Variants in GPR39 observed in about 807,000 individuals in gnomAD.
The protein encoded by GPR39 is G protein-coupled receptor 39.
In GPR39, 23 loss-of-function variants were observed where a neutral mutation model predicts 18.4. The observed-to-expected ratio is 1.25, with a 90% CI of 0.90 to 1.77. The LOEUF is 1.77. Among genes scored for constraint, GPR39 ranks in the 40% most tolerant of loss-of-function variants. GPR39 has a pLI of 0.00. For missense variants in GPR39, 647 were observed against 602.4 expected, an observed-to-expected ratio of 1.07 and a Z score of -0.78; for synonymous variants, 280 against 257.9, an observed-to-expected ratio of 1.09 and a Z score of -0.82.
chr2:132,440,728 C>T (rs1354590658), intron 1 of GPR39, among the ~76,000 whole-genome samples: 1 of 152,066 alleles, frequency 6.6e-6, no homozygotes, highest in Non-Finnish European at 1.5e-5. Flanking sequence ...TAGTTTGAAA[C>T]TTTTTCAGTC....
chr2:132,557,071 T>G (rs1558838547), intron 1 of GPR39, among the ~76,000 whole-genome samples: 2 of 112,466 alleles, frequency 1.8e-5, no homozygotes, highest in African/African-American at 3.8e-5. Flanking sequence ...ATCCTGGCAC[T>G]TTGGGAGGCC....
intron 1 of GPR39, among the ~76,000 whole-genome samples, chr2:132,579,336 T>C (rs1680586457): frequency 6.6e-6 from 1 of 152,170 alleles, no homozygotes; most frequent in South Asian, 2.1e-4. Flanking sequence ...ATAATTTAGA[T>C]TCTTTTAAAT....
chr2:132,466,430 A>G (rs1375483151), intron 1 of GPR39, among the ~76,000 whole-genome samples: 1 of 152,122 alleles, frequency 6.6e-6, no homozygotes. Flanking sequence ...CTAGGAATGA[A>G]ATGCATTTTT....
In GPR39 at chr2:132,506,598, C is replaced by T. The variant is rs907367464; in HGVS notation, c.856+88700C>T. ...AAATGTACAATCATGGCAGAAGGCA[C>T]CTCTTCACAGGGCAGCAGGAGAGAG... On this transcript the variant is annotated intron_variant, in intron 1 of 1. Transcript: ENST00000329321. 3.9e-5 allele frequency among the ~76,000 whole-genome samples: 6 copies of T among 152,204 alleles called. No individual in the cohort carries two copies. In the East Asian group the frequency reaches 7.7e-4, roughly 20 times the overall value.
At chr2:132,435,340 A>G (rs1680294131) in intron 1 of GPR39, among the ~76,000 whole-genome samples, 1 of 152,136 alleles carries the variant, frequency 6.6e-6, no homozygotes. Flanking sequence ...GATGATGAGG[A>G]TGAAGACCTT....
intron 1 of GPR39, among the ~76,000 whole-genome samples, chr2:132,584,287 C>A (rs550101173): frequency 6.6e-6 from 1 of 152,114 alleles, no homozygotes; most frequent in Non-Finnish European, 1.5e-5. Flanking sequence ...CTTAGAGGAG[C>A]AGCATCCCCG....
intron 1 of GPR39, among the ~76,000 whole-genome samples, chr2:132,574,308 T>C (rs149522308): frequency 6.6e-6 from 1 of 152,372 alleles, no homozygotes; most frequent in African/African-American, 2.4e-5. Context: ...AATTCACATA[T>C]CTTTGACTAC....
At chr2:132,533,783 A>G (rs951647197) in intron 1 of GPR39, among the ~76,000 whole-genome samples, 1 of 152,210 alleles carries the variant, frequency 6.6e-6, no homozygotes, top group Admixed American at 6.5e-5. Context: ...AAAACTGGCT[A>G]GCCATATGTA....
chr2:132,640,026 C>T (rs1384577519), intron 1 of GPR39, among the ~76,000 whole-genome samples: 2 of 152,168 alleles, frequency 1.3e-5, no homozygotes, highest in Non-Finnish European at 2.9e-5. Flanking sequence ...GGGCAAATCA[C>T]TTAACCTCAG....
chr2:132,517,881 G>T (rs1274344483), intron 1 of GPR39, among the ~76,000 whole-genome samples: 1 of 152,192 alleles, frequency 6.6e-6, no homozygotes, highest in African/African-American at 2.4e-5. Flanking sequence ...CCTATTATGG[G>T]TGAAGCTTAG....
In GPR39 at chr2:132,505,539, A is replaced by C. The variant is rs530675382; in HGVS notation, c.856+87641A>C. On this transcript the variant is annotated intron_variant, in intron 1 of 1. Coordinates refer to ENST00000329321, the MANE Select transcript of GPR39 (RefSeq NM_001508.3). ...TTGTACTCATTAACCAACCTCTTTT[A>C]TCCCCTTTACCCACCCCACACACCC... is the stretch of plus-strand genomic sequence containing the variant. Among the ~76,000 whole-genome samples, 3 of 152,228 alleles carry C rather than the reference A, an allele frequency of 2.0e-5. No individual in the cohort carries two copies. The East Asian group carries it at 5.8e-4, about 29-fold the overall frequency.
At chr2:132,429,218 A>G (rs1170583347) in intron 1 of GPR39, among the ~76,000 whole-genome samples, 1 of 152,182 alleles carries the variant, frequency 6.6e-6, no homozygotes, top group African/African-American at 2.4e-5. Context: ...GGGATCTGGC[A>G]TGTTTTGCAG....
At position 132,417,014 on chromosome 2, in the gene GPR39, T is replaced by C. The variant is rs1195434323; in HGVS notation, c.-29T>C. 5.0e-6 allele frequency: 8 copies of C among 1,604,448 alleles called. No individual in the cohort carries two copies. The highest frequency in any genetic ancestry group is 3.4e-5 in the Admixed American group (2 of 59,618). ...GGAGAAAGGGAAGTTGAGAAAGTCTTTGGACCTGGTAGCCTGGTGCTCTTT... is the reference window on the plus strand; with the variant it reads ...GGAGAAAGGGAAGTTGAGAAAGTCTCTGGACCTGGTAGCCTGGTGCTCTTT... On this transcript the variant is annotated 5_prime_UTR_variant, in exon 1 of 2. Coordinates refer to ENST00000329321, the MANE Select transcript of GPR39 (RefSeq NM_001508.3).
intron 1 of GPR39, among the ~76,000 whole-genome samples, chr2:132,583,601 C>T (rs1347215728): frequency 6.6e-6 from 1 of 151,782 alleles, no homozygotes; most frequent in East Asian, 1.9e-4. Flanking sequence ...AACTTAGTGG[C>T]TAATTAAGAA....
chr2:132,637,818 A>G (rs1558867085), intron 1 of GPR39, among the ~76,000 whole-genome samples: 1 of 152,164 alleles, frequency 6.6e-6, no homozygotes, highest in Non-Finnish European at 1.5e-5. Flanking sequence ...AAACTCAGCA[A>G]TGGGCGGAGA....
intron 1 of GPR39, among the ~76,000 whole-genome samples, chr2:132,460,338 T>C (rs775471955): frequency 1.3e-5 from 2 of 152,188 alleles, no homozygotes; most frequent in African/African-American, 2.4e-5. Flanking sequence ...AATTTCTTGA[T>C]AGATGAATCT....
At chr2:132,531,710 C>G (rs1248981589) in intron 1 of GPR39, among the ~76,000 whole-genome samples, 2 of 152,184 alleles carry the variant, frequency 1.3e-5, no homozygotes, top group African/African-American at 4.8e-5. Context: ...CAAAACTGCT[C>G]AACTACATGG....
chr2:132,575,810 T>C (rs1680520175), intron 1 of GPR39, among the ~76,000 whole-genome samples: 1 of 152,218 alleles, frequency 6.6e-6, no homozygotes, highest in African/African-American at 2.4e-5. Flanking sequence ...AAAATTGATA[T>C]GATGTAATCC....
intron 1 of GPR39, among the ~76,000 whole-genome samples, chr2:132,532,547 G>C (rs1342929151): frequency 2.0e-5 from 3 of 152,132 alleles, no homozygotes; most frequent in African/African-American, 7.2e-5. Flanking sequence ...AACCAAAAAA[G>C]AGAATTTTAG....
Sources: gnomAD v4.1 joint callset for allele counts (sites outside exome capture counted in the v4.1 genomes callset) on GRCh38, gnomAD v4.1.1 for gene constraint, MANE v1.5 for transcripts, NCBI Gene and HGNC (gene_info 2026-07-23, HGNC 2026-07-21) for gene names.